Variants in SKA1 observed in about 807,000 individuals in gnomAD.
The protein encoded by SKA1 is spindle and kinetochore associated complex subunit 1, also known as SKA complex subunit 1.
Under a neutral mutation model 31.8 loss-of-function variants are expected in SKA1, and 20 were observed. The observed-to-expected ratio is 0.63, with a 90% CI of 0.44 to 0.91. The LOEUF (loss-of-function observed/expected upper bound fraction) is 0.91. Ranked by LOEUF, SKA1 falls within the 40% of genes least tolerant of loss-of-function variation. SKA1 has a pLI of 0.00. For synonymous variants in SKA1, 88 were observed against 100.5 expected, an observed-to-expected ratio of 0.88 and a Z score of 0.74; for missense variants, 253 against 298.2, an observed-to-expected ratio of 0.85 and a Z score of 1.12.
In SKA1 at chr18:50,392,376, T is replaced by TCTTGCTTTGTCACCCAGGGG. The variant is rs574250904; in HGVS notation, c.*143_*162dup. The TCTTGCTTTGTCACCCAGGGG allele has an allele frequency of 4.3e-3, 2,459 of 568,854 alleles. 18 individuals carry two copies. The highest frequency in any genetic ancestry group is 5.2e-3 in the Non-Finnish European group (2,043 of 394,596). 35.2% of individuals were successfully genotyped at this position (568,854 alleles called of 1,614,324 possible). ...CCTTTTTTTTTTTTTTGAGACAGGA[T>TCTTGCTTTGTCACCCAGGGG]CTTGCTTTGTCACCCAGGGGCTTGC... On this transcript the variant is annotated 3_prime_UTR_variant, in exon 7 of 7. Coordinates refer to ENST00000285116, the MANE Select transcript of SKA1 (RefSeq NM_145060.4).
chr18:50,385,006 T>C (rs371991851), intron 4 of SKA1, among the ~76,000 whole-genome samples: 1 of 151,844 alleles, frequency 6.6e-6, no homozygotes, highest in African/African-American at 2.4e-5. Context: ...AATGTAGCTA[T>C]ATTACTGAAG....
intron 5 of SKA1, among the ~76,000 whole-genome samples, chr18:50,389,375 C>CTTTTTTTTTTTTTTTT (rs756288352): frequency 3.4e-3 from 295 of 86,116 alleles, no homozygotes; most frequent in Middle Eastern, 9.8e-3. Flanking sequence ...CTTTACCTTT[C>CTTTTTTTTTTTTTTTT]TTTTTTTTTT....
At chr18:50,383,972 G>C (rs1046932564) in intron 4 of SKA1, among the ~76,000 whole-genome samples, 2 of 152,212 alleles carry the variant, frequency 1.3e-5, no homozygotes, top group Non-Finnish European at 2.9e-5. Context: ...GTTGCCATCT[G>C]TGTCTGGCAT....
chr18:50,390,078 G>GGTGGT (rs1349797698), intron 5 of SKA1, among the ~76,000 whole-genome samples: 1 of 152,188 alleles, frequency 6.6e-6, no homozygotes, highest in Non-Finnish European at 1.5e-5. Context: ...AGGAAATCAA[G>GGTGGT]GTGGTAGTTG....
intron 2 of SKA1, among the ~76,000 whole-genome samples, chr18:50,379,829 C>T (rs1030019857): frequency 2.6e-5 from 4 of 152,202 alleles, no homozygotes; most frequent in South Asian, 2.1e-4. Context: ...TAGCTGTGGA[C>T]GTAGAAGGAT....
chr18:50,393,846 G>A lies in SKA1; in HGVS notation c.*1599G>A, dbSNP rs2041379833. ...TGGGCACCTGGATAACTCAGGATGG[G>A]GGCTGCTCACAAAGACCACATCATG... On this transcript the variant is annotated 3_prime_UTR_variant, in exon 7 of 7. Coordinates refer to ENST00000285116, the MANE Select transcript of SKA1 (RefSeq NM_145060.4). 1 of 152,120 alleles carries A rather than the reference G, an allele frequency of 6.6e-6. No individual in the cohort carries two copies. Among genetic ancestry groups the A allele is most frequent in the African/African-American group, 2.4e-5 (1 of 41,410 alleles). 9.4% of individuals were successfully genotyped at this position (152,120 alleles called of 1,614,324 possible). A position where few individuals can be genotyped will look rare whatever the true frequency, so the allele number is the denominator to read the frequency against.
At chr18:50,377,587 A>G (rs2041229432) in intron 2 of SKA1, among the ~76,000 whole-genome samples, 1 of 152,252 alleles carries the variant, frequency 6.6e-6, no homozygotes, top group South Asian at 2.1e-4. Context: ...ATGAAAGTTC[A>G]GAGAAACAGA....
At chr18:50,377,459 A>T (rs2041228021) in intron 2 of SKA1, among the ~76,000 whole-genome samples, 1 of 152,180 alleles carries the variant, frequency 6.6e-6, no homozygotes, top group Non-Finnish European at 1.5e-5. Context: ...GAAGCTTATT[A>T]CTCTATATCA....
At chr18:50,389,153 C>G (rs2041335288) in intron 5 of SKA1, among the ~76,000 whole-genome samples, 1 of 152,086 alleles carries the variant, frequency 6.6e-6, no homozygotes, top group Non-Finnish European at 1.5e-5. Context: ...CTTGACACGT[C>G]AGAGTGCTAC....
chr18:50,386,668 T>C (rs1457951335), intron 5 of SKA1, among the ~76,000 whole-genome samples: 1 of 152,204 alleles, frequency 6.6e-6, no homozygotes, highest in Admixed American at 6.5e-5. Context: ...TACGGTATCA[T>C]ACAGAAGAAT....
intron 2 of SKA1, 22 bp downstream of exon 2, chr18:50,375,940 G>A (rs746074294): frequency 1.1e-5 from 16 of 1,434,778 alleles, no homozygotes; most frequent in African/African-American, 2.8e-5. Context: ...AGATTCCACT[G>A]ACTTTGTATA....
At chr18:50,390,085 G>C (rs2041344651) in intron 5 of SKA1, among the ~76,000 whole-genome samples, 1 of 152,206 alleles carries the variant, frequency 6.6e-6, no homozygotes, top group South Asian at 2.1e-4. Context: ...CAAGGTGGTA[G>C]TTGAGAAGAT....
intron 3 of SKA1, among the ~76,000 whole-genome samples, chr18:50,381,502 A>G (rs2041261927): frequency 1.3e-5 from 2 of 152,184 alleles, no homozygotes; most frequent in East Asian, 3.9e-4. Flanking sequence ...TAAGTTCTTT[A>G]TATATTTCTT....
chr18:50,380,195 T>A lies in SKA1; in HGVS notation c.158T>A (p.Leu53Gln). The A allele has an allele frequency of 6.4e-7, 1 of 1,556,312 alleles. No homozygotes were observed. Among genetic ancestry groups the A allele is most frequent in the Non-Finnish European group, 8.6e-7 (1 of 1,159,612 alleles). Residue 53 changes from leucine to glutamine, a missense_variant, in exon 3 of 7, where the codon CTA (leucine) becomes CAA (glutamine). Coordinates refer to ENST00000285116, the MANE Select transcript of SKA1 (RefSeq NM_145060.4). Reference protein sequence around the residue: ...GDEIIVINELLNKLELEIQYQ... With the variant: ...GDEIIVINELQNKLELEIQYQ... ...GAGATCATTGTAATAAATGAACTTC[T>A]AAATAAATTGGAATTGGAAATTCAG...
intron 5 of SKA1, among the ~76,000 whole-genome samples, chr18:50,389,375 CTTTTTTTTTTTT>C (rs756288352): frequency 4.6e-5 from 4 of 86,140 alleles, no homozygotes; most frequent in Admixed American, 1.5e-4. Flanking sequence ...CTTTACCTTT[CTTTTTTTTTTTT>C]TTTTTTTTTT....
intron 6 of SKA1, 36 bp downstream of exon 6, chr18:50,391,329 T>C (rs1479782751): frequency 2.8e-6 from 4 of 1,436,026 alleles, no homozygotes; most frequent in Non-Finnish European, 2.8e-6. Flanking sequence ...ACATGTGAAC[T>C]GTTCAGAGTA....
In SKA1 at chr18:50,392,329, T is replaced by A; in HGVS notation, c.*82T>A. ...ATAATTTTCTTATATATAATTTTTT[T>A]AACTTTTAATCTTTTTTGTTTCCTT... On this transcript the variant is annotated 3_prime_UTR_variant, in exon 7 of 7. Coordinates refer to ENST00000285116, the MANE Select transcript of SKA1 (RefSeq NM_145060.4). 1 of 934,362 alleles carries A rather than the reference T, an allele frequency of 1.1e-6. No homozygotes were observed. The highest frequency in any genetic ancestry group is 1.4e-6 in the Non-Finnish European group (1 of 702,966). 57.9% of individuals were successfully genotyped at this position (934,362 alleles called of 1,614,324 possible). A position where few individuals can be genotyped will look rare whatever the true frequency, so the allele number is the denominator to read the frequency against.
rs751209689 is a variant in SKA1 at position 50,392,191 on chromosome 18, T to C, written c.712T>C (p.Cys238Arg). Residue 238 changes from cysteine to arginine, a missense_variant, in exon 7 of 7, where the codon TGC becomes CGC. Cys to Arg is a radical substitution (Grantham distance 180). Transcript: ENST00000285116. ...FHVLLNILRH[C>R]RRLSEVRGGG... ...CGTGTTACTGAATATTTTACGACAC[T>C]GCCGGAGGCTATCAGAGGTCCGAGG... 1.9e-6 allele frequency: 3 copies of C among 1,607,866 alleles called. No homozygotes were observed. The highest frequency in any genetic ancestry group is 1.7e-6 in the Non-Finnish European group (2 of 1,178,826).
chr18:50,381,837 C>G (rs1437171455), intron 3 of SKA1, among the ~76,000 whole-genome samples: 1 of 151,854 alleles, frequency 6.6e-6, no homozygotes, highest in African/African-American at 2.4e-5. Context: ...GCAGTTCTCC[C>G]CCCTCAGCCT....
Sources: allele counts gnomAD v4.1 joint callset (sites outside exome capture counted in the v4.1 genomes callset), GRCh38; gene constraint gnomAD v4.1.1; transcripts MANE v1.5; gene names NCBI Gene and HGNC (gene_info 2026-07-23, HGNC 2026-07-21).